The following COL19A1 variants were observed in gnomAD, a reference collection of about 807,000 sequenced individuals.
COL19A1 encodes collagen alpha-1(XIX) chain.
Under a neutral mutation model 190.2 loss-of-function variants are expected in COL19A1, and 159 were observed. The ratio of observed to expected loss-of-function variants is 0.84; its 90% CI spans 0.73 to 0.95. The LOEUF (loss-of-function observed/expected upper bound fraction) is 0.95, where lower values mean the gene tolerates loss of function less well. Ranked by LOEUF, COL19A1 falls within the 40% of genes least tolerant of loss-of-function variation. The pLI, the probability that COL19A1 is intolerant of heterozygous loss-of-function variation, is 0.00. For synonymous variants in COL19A1, 509 were observed against 458.9 expected (o/e 1.11, Z -1.39); for missense variants, 1,418 against 1,431.9 (o/e 0.99, Z 0.16).
rs545493020 is a variant in COL19A1, at chr6:70,202,664, G to A, written c.3223+2928G>A. ...TATAGAAAGCAGTGAGAAAATCGAC[G>A]TCAGACTGTGAGAGGTACACAATTC... On this transcript the variant is annotated intron_variant, in intron 49 of 50. Transcript: ENST00000620364. 2.6e-5 allele frequency among the ~76,000 whole-genome samples: 4 copies of A among 152,212 alleles called. No individual in the cohort carries two copies. In the South Asian group the frequency reaches 6.2e-4, roughly 24 times the overall value.
chr6:69,949,648 T>G (rs1774013137), intron 9 of COL19A1, among the ~76,000 whole-genome samples: 1 of 151,876 alleles, frequency 6.6e-6, no homozygotes, highest in South Asian at 2.1e-4. Flanking sequence ...AGAGAAAAAT[T>G]ATCAGTTCTT....
At chr6:70,094,508 G>T (rs1031545499) in intron 15 of COL19A1, among the ~76,000 whole-genome samples, 1 of 152,100 alleles carries the variant, frequency 6.6e-6, no homozygotes, top group Non-Finnish European at 1.5e-5. Flanking sequence ...TGTGGGTTTG[G>T]GGTCTGTGTG....
chr6:70,108,486 T>C (rs1330561511), intron 16 of COL19A1, among the ~76,000 whole-genome samples: 1 of 152,124 alleles, frequency 6.6e-6, no homozygotes, highest in South Asian at 2.1e-4. Context: ...AGAATGACAA[T>C]AGCTCTTTGA....
intron 17 of COL19A1, among the ~76,000 whole-genome samples, chr6:70,127,888 C>T (rs895731240): frequency 5.3e-5 from 8 of 152,002 alleles, no homozygotes; most frequent in African/African-American, 1.7e-4. Flanking sequence ...GGGACACAGC[C>T]GAATCAAGTG....
intron 1 of COL19A1, among the ~76,000 whole-genome samples, chr6:69,878,711 C>T (rs1582260175): frequency 6.6e-6 from 1 of 151,978 alleles, no homozygotes; most frequent in Non-Finnish European, 1.5e-5. Context: ...TCTATATACC[C>T]AAAAGAATTG....
intron 2 of COL19A1, chr6:69,890,335 C>G (rs935226238): frequency 6.6e-6 from 1 of 152,252 alleles, no homozygotes; most frequent in South Asian, 2.1e-4. Context: ...CTCTTTCCCA[C>G]TACAGATTAA....
At chr6:70,046,832 T>C (rs572621963) in intron 14 of COL19A1, among the ~76,000 whole-genome samples, 5 of 152,318 alleles carry the variant, frequency 3.3e-5, no homozygotes, top group Admixed American at 6.5e-5. Context: ...TTGAGACTTA[T>C]GGTTTCAACA....
intron 2 of COL19A1, among the ~76,000 whole-genome samples, chr6:69,896,453 C>A (rs931846226): frequency 6.9e-6 from 1 of 144,624 alleles, no homozygotes; most frequent in Non-Finnish European, 1.5e-5. Context: ...AGGAGAATGG[C>A]GTGAACCCGG....
At chr6:70,059,785 C>G (rs1460178636) in intron 14 of COL19A1, 1 of 527,460 alleles carries the variant, frequency 1.9e-6, no homozygotes, top group African/African-American at 1.9e-5. Flanking sequence ...TCTCAAATGT[C>G]TCTTTCAGAA....
intron 49 of COL19A1, among the ~76,000 whole-genome samples, chr6:70,205,426 C>T (rs2176355): frequency 0.35 from 52,709 of 152,004 alleles, 9,430 homozygotes; most frequent in Middle Eastern, 0.47. Flanking sequence ...CTCCTCCTGC[C>T]ATGTTCTACT....
rs1188036943 is a variant in COL19A1 at position 69,885,120 on chromosome 6, TC to T, written c.91+5465del. On this transcript the variant is annotated intron_variant, in intron 2 of 50. Coordinates refer to ENST00000620364, the MANE Select transcript of COL19A1 (RefSeq NM_001858.6). ...CTCAAATGATCCACCCACCTTGGCC[TC>T]CCAAAGTGCTGGGATTATAGGCGTG... is the stretch of plus-strand genomic sequence containing the variant. 4.6e-5 allele frequency among the ~76,000 whole-genome samples: 7 copies of T among 152,212 alleles called. No homozygotes were observed. In the East Asian group the frequency reaches 1.3e-3, roughly 29 times the overall value.
intron 4 of COL19A1, among the ~76,000 whole-genome samples, chr6:69,916,379 C>CAGA (rs1771309818): frequency 1.3e-5 from 2 of 151,940 alleles, no homozygotes; most frequent in South Asian, 4.1e-4. Context: ...TTGGTGAAAA[C>CAGA]TTCTAAGTTT....
intron 20 of COL19A1, among the ~76,000 whole-genome samples, chr6:70,141,423 C>G (rs548663428): frequency 1.3e-5 from 2 of 152,076 alleles, no homozygotes; most frequent in African/African-American, 4.8e-5. Context: ...GTATCATCCT[C>G]TTTTGTATAA....
At chr6:70,166,096 TCGTG>T in intron 37 of COL19A1, 111 bp downstream of exon 37, 1 of 962,108 alleles carries the variant, frequency 1.0e-6, no homozygotes, top group Non-Finnish European at 1.7e-6. Flanking sequence ...CTTCTGAATT[TCGTG>T]TATAAATATA....
intron 17 of COL19A1, among the ~76,000 whole-genome samples, chr6:70,122,878 T>C (rs1207020150): frequency 6.6e-6 from 1 of 152,210 alleles, no homozygotes; most frequent in Non-Finnish European, 1.5e-5. Flanking sequence ...AGATAATTTA[T>C]GGTTGACAAA....
intron 18 of COL19A1, among the ~76,000 whole-genome samples, chr6:70,135,558 T>C (rs1785808580): frequency 6.6e-6 from 1 of 152,180 alleles, no homozygotes; most frequent in South Asian, 2.1e-4. Flanking sequence ...ACAATATTGT[T>C]ATCAAGCAGA....
intron 9 of COL19A1, among the ~76,000 whole-genome samples, chr6:69,951,636 A>G (rs1394127906): frequency 1.4e-4 from 22 of 151,950 alleles, no homozygotes; most frequent in Non-Finnish European, 4.4e-5. Flanking sequence ...ATAAATATGT[A>G]CAAGAATATA....
chr6:70,038,805 C>A (rs891961565), intron 14 of COL19A1, among the ~76,000 whole-genome samples: 6 of 152,178 alleles, frequency 3.9e-5, no homozygotes, highest in Non-Finnish European at 7.3e-5. Flanking sequence ...ACACTGGTCA[C>A]AAAGGCTTAG....
intron 4 of COL19A1, among the ~76,000 whole-genome samples, chr6:69,926,556 G>A (rs1772410263): frequency 1.3e-5 from 2 of 152,042 alleles, no homozygotes; most frequent in African/African-American, 2.4e-5. Flanking sequence ...GGAGAAGAAA[G>A]AATCCAGGAA....
Sources: gnomAD v4.1 joint callset for allele counts (sites outside exome capture counted in the v4.1 genomes callset) on GRCh38, gnomAD v4.1.1 for gene constraint, MANE v1.5 for transcripts, NCBI Gene and HGNC (gene_info 2026-07-23, HGNC 2026-07-21) for gene names.